ERC2: variants seen among roughly 807,000 people sequenced by gnomAD.
ERC2 encodes ERC protein 2.
A neutral mutation model predicts 114.8 loss-of-function variants in ERC2; 42 were observed. The ratio of observed to expected loss-of-function variants is 0.37; its 90% CI spans 0.29 to 0.47. The LOEUF (loss-of-function observed/expected upper bound fraction) is 0.47. ERC2 is among the 20% of genes least tolerant of loss of function. The pLI, the probability that ERC2 is intolerant of heterozygous loss-of-function variation, is 0.99. For missense variants in ERC2, 939 were observed against 1,150.7 expected, an observed-to-expected ratio of 0.82 and a Z score of 2.66; for synonymous variants, 454 against 425.5, an observed-to-expected ratio of 1.07 and a Z score of -0.82.
chr3:56,394,871 G>T lies in ERC2; in HGVS notation c.657+39480C>A, dbSNP rs192967890. Among the ~76,000 whole-genome samples the T allele has an allele frequency of 3.2e-3, 484 of 152,118 alleles. 1 individual carries two copies. Among genetic ancestry groups the T allele is most frequent in the Non-Finnish European group, 5.6e-3 (380 of 68,000 alleles). On this transcript the variant is annotated intron_variant, in intron 2 of 17. Transcript: ENST00000288221. ...CAATTCCAAATCTAGTATATTAACA[G>T]CAGCATTATTCATATTAGCCAAAAA...
intron 3 of ERC2, among the ~76,000 whole-genome samples, chr3:56,215,233 GT>G: frequency 6.6e-6 from 1 of 152,262 alleles, no homozygotes; most frequent in South Asian, 2.1e-4. Context: ...TCAGCGTGCT[GT>G]ATTCAGGAAA....
At chr3:55,769,108 A>G (rs936207754) in intron 14 of ERC2, among the ~76,000 whole-genome samples, 4 of 152,282 alleles carry the variant, frequency 2.6e-5, no homozygotes, top group African/African-American at 9.6e-5. Context: ...GTTCACTGCT[A>G]TCTCGCTTGG....
chr3:56,149,240 A>G (rs989599776), intron 4 of ERC2, 108 bp from the exon 5 acceptor site: 69 of 1,047,404 alleles, frequency 6.6e-5, no homozygotes, highest in Non-Finnish European at 8.7e-5. Context: ...TCACATATTA[A>G]CCATGGTATA....
chr3:56,438,804 G>A (rs1463963240), intron 1 of ERC2, among the ~76,000 whole-genome samples: 2 of 152,134 alleles, frequency 1.3e-5, no homozygotes, highest in Admixed American at 6.5e-5. Flanking sequence ...CACGCACACA[G>A]ATTTAATCCT....
At chr3:55,847,218 C>G (rs1481907033) in intron 14 of ERC2, among the ~76,000 whole-genome samples, 2 of 152,166 alleles carry the variant, frequency 1.3e-5, no homozygotes, top group Non-Finnish European at 2.9e-5. Flanking sequence ...GAGAACTTTA[C>G]AGGCTTATAA....
At chr3:55,558,352 T>C (rs1437611342) in intron 17 of ERC2, among the ~76,000 whole-genome samples, 1 of 152,104 alleles carries the variant, frequency 6.6e-6, no homozygotes, top group Non-Finnish European at 1.5e-5. Context: ...GTGGGGAAAA[T>C]AAGGTCCCAA....
intron 17 of ERC2, among the ~76,000 whole-genome samples, chr3:55,639,186 C>T (rs11712815): frequency 7.9e-5 from 12 of 152,152 alleles, no homozygotes; most frequent in Non-Finnish European, 1.8e-4. Flanking sequence ...TGTCCAGAAT[C>T]TGATACTCAG....
rs188091513 is a variant in ERC2, at chr3:56,120,397, T to C, written c.1473+19112A>G. On this transcript the variant is annotated intron_variant, in intron 6 of 17. Coordinates refer to ENST00000288221, the MANE Select transcript of ERC2 (RefSeq NM_015576.3). Reference sequence around the variant, plus strand: ...ATTTTAAGGGAAGAGGACTATGAGCTAAGTAGAATGGCAAGAGAGAGTGAT... The same window carrying C: ...ATTTTAAGGGAAGAGGACTATGAGCCAAGTAGAATGGCAAGAGAGAGTGAT... Among the ~76,000 whole-genome samples, 26 of 152,290 alleles carry C rather than the reference T, an allele frequency of 1.7e-4. No homozygotes were observed. The South Asian group carries it at 5.0e-3, about 29-fold the overall frequency.
At chr3:56,135,864 T>C (rs2080473238) in intron 6 of ERC2, among the ~76,000 whole-genome samples, 1 of 152,228 alleles carries the variant, frequency 6.6e-6, no homozygotes, top group Non-Finnish European at 1.5e-5. Flanking sequence ...CATTATTTTC[T>C]CTACTGCTGT....
chr3:55,908,450 C>A (rs1358381563), intron 13 of ERC2, among the ~76,000 whole-genome samples: 1 of 151,976 alleles, frequency 6.6e-6, no homozygotes, highest in African/African-American at 2.4e-5. Flanking sequence ...GTTCAGAAAG[C>A]AGAATTCTGC....
chr3:56,418,010 G>A (rs769792552), intron 2 of ERC2, among the ~76,000 whole-genome samples: 4 of 152,134 alleles, frequency 2.6e-5, no homozygotes, highest in South Asian at 2.1e-4. Flanking sequence ...GAAAGGGGCC[G>A]GGGCAGTGGC....
chr3:56,433,045 A>G (rs187319125), intron 2 of ERC2, among the ~76,000 whole-genome samples: 10 of 151,988 alleles, frequency 6.6e-5, no homozygotes, highest in African/African-American at 2.4e-4. Context: ...GGCTGTGGTG[A>G]TATGTGCCCG....
At chr3:55,989,378 T>C (rs1328905423) in intron 11 of ERC2, among the ~76,000 whole-genome samples, 1 of 152,256 alleles carries the variant, frequency 6.6e-6, no homozygotes, top group Admixed American at 6.5e-5. Context: ...TGTAAATGTT[T>C]ATAGTAGCTT....
intron 2 of ERC2, among the ~76,000 whole-genome samples, chr3:56,409,411 G>C (rs1279172644): frequency 1.3e-5 from 2 of 150,970 alleles, no homozygotes; most frequent in Non-Finnish European, 2.9e-5. Context: ...ACTGTGTGGG[G>C]AAACAATGAC....
At chr3:56,291,990 A>G (rs1029489747) in intron 3 of ERC2, among the ~76,000 whole-genome samples, 1 of 152,216 alleles carries the variant, frequency 6.6e-6, no homozygotes, top group Non-Finnish European at 1.5e-5. Context: ...TTGGTAGGTC[A>G]TTAATTAGAA....
At chr3:55,556,226 G>A (rs763384706) in intron 17 of ERC2, among the ~76,000 whole-genome samples, 4 of 152,144 alleles carry the variant, frequency 2.6e-5, no homozygotes, top group African/African-American at 7.2e-5. Context: ...GGGGAGGAGG[G>A]TTAGGACCTA....
chr3:55,606,412 A>G (rs1163051492), intron 17 of ERC2, among the ~76,000 whole-genome samples: 1 of 152,128 alleles, frequency 6.6e-6, no homozygotes, highest in Non-Finnish European at 1.5e-5. Context: ...AAAACAAGAA[A>G]AAGTGTTGAA....
intron 1 of ERC2, among the ~76,000 whole-genome samples, chr3:56,450,192 A>G (rs1003962896): frequency 1.3e-5 from 2 of 152,228 alleles, no homozygotes; most frequent in Admixed American, 1.3e-4. Context: ...AAACACGCCT[A>G]TCCACACATC....
intron 14 of ERC2, among the ~76,000 whole-genome samples, chr3:55,780,232 C>T (rs1280685665): frequency 6.6e-6 from 1 of 152,062 alleles, no homozygotes; most frequent in Non-Finnish European, 1.5e-5. Context: ...AAAAGAGAAG[C>T]TTACCTGGGA....
Sources: gnomAD v4.1 joint callset for allele counts (sites outside exome capture counted in the v4.1 genomes callset) on GRCh38, gnomAD v4.1.1 for gene constraint, MANE v1.5 for transcripts, NCBI Gene and HGNC (gene_info 2026-07-23, HGNC 2026-07-21) for gene names.